Variants in ZDHHC7 observed in about 807,000 individuals in gnomAD.
The protein encoded by ZDHHC7 is palmitoyltransferase ZDHHC7.
ZDHHC7 carries 12 observed loss-of-function variants against 34.1 expected under a neutral mutation model. The observed-to-expected ratio is 0.35, with a 90% CI of 0.23 to 0.57. The LOEUF (loss-of-function observed/expected upper bound fraction) is 0.57. ZDHHC7 is among the 20% of genes least tolerant of loss of function. The pLI is 0.84. For missense variants in ZDHHC7, 388 were observed against 402.7 expected (o/e 0.96, Z 0.31); for synonymous variants, 185 against 155.4 (o/e 1.19, Z -1.42).
chr16:84,996,642 T>C (rs150707785), intron 1 of ZDHHC7, among the ~76,000 whole-genome samples: 3 of 152,168 alleles, frequency 2.0e-5, no homozygotes, highest in Non-Finnish European at 4.4e-5. Context: ...GAAGGTCAGA[T>C]TCACTGTCAG....
At chr16:85,009,008 G>GC (rs1200308501) in intron 1 of ZDHHC7, among the ~76,000 whole-genome samples, 3 of 150,112 alleles carry the variant, frequency 2.0e-5, no homozygotes, top group Non-Finnish European at 4.4e-5. Flanking sequence ...TCGAGCCACT[G>GC]CACTCCAGCC....
chr16:84,976,673 C>CGTGA (rs1290730861), intron 7 of ZDHHC7, among the ~76,000 whole-genome samples, 154 bp from the exon 8 acceptor site: 1 of 152,236 alleles, frequency 6.6e-6, no homozygotes, highest in African/African-American at 2.4e-5. Flanking sequence ...ATCCAGACCC[C>CGTGA]GTGGCCTCTG....
chr16:84,984,313 G>C (rs1184827734), intron 3 of ZDHHC7, among the ~76,000 whole-genome samples: 2 of 152,272 alleles, frequency 1.3e-5, no homozygotes, highest in East Asian at 1.9e-4. Context: ...GAGCCACCGT[G>C]CCTGGCCTGG....
intron 1 of ZDHHC7, among the ~76,000 whole-genome samples, chr16:85,008,716 C>G (rs1469868307): frequency 5.3e-5 from 8 of 151,314 alleles, no homozygotes; most frequent in Non-Finnish European, 1.2e-4. Flanking sequence ...GTGAAAATGA[C>G]AGTTTTGACT....
chr16:85,009,293 C>G (rs1054857825), intron 1 of ZDHHC7, among the ~76,000 whole-genome samples: 4 of 151,990 alleles, frequency 2.6e-5, no homozygotes, highest in Non-Finnish European at 5.9e-5. Context: ...TGTAAAAGTA[C>G]GTTCATACTT....
intron 4 of ZDHHC7, among the ~76,000 whole-genome samples, chr16:84,981,392 T>C (rs1158620345): frequency 6.6e-6 from 1 of 152,206 alleles, no homozygotes; most frequent in Non-Finnish European, 1.5e-5. Context: ...ACCTTGCTTC[T>C]ACGCTGCACC....
intron 2 of ZDHHC7, among the ~76,000 whole-genome samples, chr16:84,995,504 T>G (rs1220372693): frequency 6.6e-6 from 1 of 152,158 alleles, no homozygotes; most frequent in East Asian, 1.9e-4. Flanking sequence ...CGGGTGCCTG[T>G]AATCCCAGCT....
intron 1 of ZDHHC7, among the ~76,000 whole-genome samples, chr16:85,006,072 T>C (rs2072713149): frequency 6.6e-6 from 1 of 152,144 alleles, no homozygotes; most frequent in African/African-American, 2.4e-5. Context: ...CCGTTCAAAA[T>C]CACAGCACAG....
the ZDHHC7 span, among the ~76,000 whole-genome samples, chr16:85,027,390 A>C: frequency 6.6e-6 from 1 of 152,148 alleles, no homozygotes; most frequent in African/African-American, 2.4e-5. Flanking sequence ...GGCTGTTTTA[A>C]AGGTAGGGAA....
At chr16:85,021,637 G>A in the ZDHHC7 span, among the ~76,000 whole-genome samples, 2 of 152,016 alleles carry the variant, frequency 1.3e-5, no homozygotes, top group African/African-American at 4.8e-5. Context: ...AGAATCACTT[G>A]AACCCAAGAG....
At chr16:84,994,085 C>T (rs532776113) in intron 2 of ZDHHC7, among the ~76,000 whole-genome samples, 2 of 152,368 alleles carry the variant, frequency 1.3e-5, no homozygotes, top group Non-Finnish European at 2.9e-5. Flanking sequence ...CCAGCTCTCC[C>T]TCCCAGGTAC....
intron 3 of ZDHHC7, among the ~76,000 whole-genome samples, chr16:84,988,189 A>G (rs559940575): frequency 6.6e-6 from 1 of 152,270 alleles, no homozygotes; most frequent in East Asian, 1.9e-4. Context: ...AAGTCTGTGA[A>G]CATGCAAATT....
chr16:85,025,696 C>A, the ZDHHC7 span, among the ~76,000 whole-genome samples: 1 of 152,246 alleles, frequency 6.6e-6, no homozygotes, highest in Non-Finnish European at 1.5e-5. Context: ...GCGTCAGCCA[C>A]CGCGCCCGGC....
chr16:85,007,413 A>G (rs865940127), intron 1 of ZDHHC7, among the ~76,000 whole-genome samples: 2 of 131,514 alleles, frequency 1.5e-5, no homozygotes, highest in Non-Finnish European at 3.1e-5. Flanking sequence ...ACAGAGCGAT[A>G]CTCCATCTCA....
chr16:84,980,784 T>C (rs141858012), intron 4 of ZDHHC7, among the ~76,000 whole-genome samples: 37 of 152,328 alleles, frequency 2.4e-4, no homozygotes, highest in African/African-American at 8.4e-4. Flanking sequence ...TTTTTGAACA[T>C]TCCCACCATC....
At chr16:85,012,816 A>G (rs938266205), upstream of ZDHHC7, among the ~76,000 whole-genome samples, 4 of 152,062 alleles carry the variant, frequency 2.6e-5, no homozygotes, top group African/African-American at 4.8e-5. Context: ...GAGGCAGGAG[A>G]AACCGCTTGA....
At chr16:84,991,348 C>T (rs1463006145) in intron 2 of ZDHHC7, among the ~76,000 whole-genome samples, 3 of 152,044 alleles carry the variant, frequency 2.0e-5, no homozygotes, top group African/African-American at 7.2e-5. Flanking sequence ...TGCAGTGGTG[C>T]GATCTTGGCT....
At chr16:85,011,855 C>T (rs528609533), upstream of ZDHHC7, among the ~76,000 whole-genome samples, 28 of 152,282 alleles carry the variant, frequency 1.8e-4, no homozygotes, top group African/African-American at 6.0e-4. Flanking sequence ...GCTCCAGTGG[C>T]CTGTACTATA....
chr16:84,989,149 G>T (rs1290949915), intron 3 of ZDHHC7, among the ~76,000 whole-genome samples: 4 of 152,216 alleles, frequency 2.6e-5, no homozygotes, highest in African/African-American at 7.2e-5. Context: ...TCCACCATCA[G>T]ATCAGGCTAC....
Sources: allele counts gnomAD v4.1 joint callset (sites outside exome capture counted in the v4.1 genomes callset), GRCh38; gene constraint gnomAD v4.1.1; transcripts MANE v1.5; gene names NCBI Gene and HGNC (gene_info 2026-07-23, HGNC 2026-07-21).